Variants in GALNTL6 observed in about 807,000 individuals in gnomAD.
The protein encoded by GALNTL6 is polypeptide N-acetylgalactosaminyltransferase-like 6.
Under a neutral mutation model 73.7 loss-of-function variants are expected in GALNTL6, and 46 were observed. The ratio of observed to expected loss-of-function variants is 0.62; its 90% CI spans 0.49 to 0.80. The LOEUF (loss-of-function observed/expected upper bound fraction) is 0.80. GALNTL6 is among the 30% of genes least tolerant of loss of function. The pLI, the probability that GALNTL6 is intolerant of heterozygous loss-of-function variation, is 0.00. For missense variants in GALNTL6, 604 were observed against 755.0 expected, an observed-to-expected ratio of 0.80 and a Z score of 2.34; for synonymous variants, 259 against 263.7, an observed-to-expected ratio of 0.98 and a Z score of 0.17.
At chr4:173,012,261 C>T (rs1384012692) in intron 11 of GALNTL6, among the ~76,000 whole-genome samples, 1 of 152,154 alleles carries the variant, frequency 6.6e-6, no homozygotes, top group Admixed American at 6.5e-5. Flanking sequence ...GTACATTAAA[C>T]TAGAAAAGGT....
At chr4:172,287,513 A>G (rs1739305600) in intron 3 of GALNTL6, among the ~76,000 whole-genome samples, 1 of 152,246 alleles carries the variant, frequency 6.6e-6, no homozygotes, top group African/African-American at 2.4e-5. Context: ...ACAACAAATT[A>G]TGTCATTTCT....
intron 5 of GALNTL6, among the ~76,000 whole-genome samples, chr4:172,564,375 T>A (rs2110933278): frequency 6.6e-6 from 1 of 152,364 alleles, no homozygotes; most frequent in Admixed American, 6.5e-5. Flanking sequence ...GGGAAAAAGA[T>A]TCCTTATGTG....
intron 3 of GALNTL6, among the ~76,000 whole-genome samples, chr4:172,238,607 A>G (rs1256907324): frequency 6.6e-6 from 1 of 150,748 alleles, no homozygotes; most frequent in Non-Finnish European, 1.5e-5. Flanking sequence ...CTCTTGCCCA[A>G]TTGCTCTGAC....
At chr4:172,615,953 G>C (rs1244522439) in intron 5 of GALNTL6, among the ~76,000 whole-genome samples, 1 of 152,064 alleles carries the variant, frequency 6.6e-6, no homozygotes, top group Admixed American at 6.6e-5. Flanking sequence ...TTTTCTTTAA[G>C]TAAATGAAGT....
At chr4:172,959,404 T>C (rs1054955894) in intron 10 of GALNTL6, among the ~76,000 whole-genome samples, 3 of 152,100 alleles carry the variant, frequency 2.0e-5, no homozygotes, top group African/African-American at 7.2e-5. Context: ...ATTGTCTAAG[T>C]TGGCACCAGA....
chr4:172,290,771 A>G (rs1739442442), intron 3 of GALNTL6, among the ~76,000 whole-genome samples: 1 of 151,828 alleles, frequency 6.6e-6, no homozygotes, highest in Non-Finnish European at 1.5e-5. Flanking sequence ...TTATATATGT[A>G]TTCACTAATT....
chr4:172,997,625 T>G (rs1344521131), intron 10 of GALNTL6, among the ~76,000 whole-genome samples: 1 of 152,090 alleles, frequency 6.6e-6, no homozygotes, highest in Non-Finnish European at 1.5e-5. Context: ...TTTGTGATAA[T>G]AGACTGGGAA....
chr4:172,373,891 T>G (rs1742923038), intron 5 of GALNTL6, among the ~76,000 whole-genome samples: 1 of 152,132 alleles, frequency 6.6e-6, no homozygotes, highest in Admixed American at 6.5e-5. Flanking sequence ...AGATTAACAC[T>G]GAGAAGGCCG....
intron 2 of GALNTL6, among the ~76,000 whole-genome samples, chr4:172,221,198 A>G (rs966426678): frequency 1.3e-5 from 2 of 151,724 alleles, no homozygotes; most frequent in East Asian, 1.9e-4. Context: ...CCTAATCCCC[A>G]TTTCATCTTT....
At chr4:172,350,396 G>A (rs973163827) in intron 5 of GALNTL6, among the ~76,000 whole-genome samples, 6 of 152,072 alleles carry the variant, frequency 3.9e-5, no homozygotes, top group African/African-American at 7.2e-5. Flanking sequence ...CCAAATCACT[G>A]TCACCTTTGG....
intron 8 of GALNTL6, among the ~76,000 whole-genome samples, chr4:172,921,260 T>C (rs1471092297): frequency 6.6e-6 from 1 of 152,202 alleles, no homozygotes; most frequent in Non-Finnish European, 1.5e-5. Flanking sequence ...AATTATTATT[T>C]CCATAAAGTG....
At chr4:172,210,236 C>T (rs1331785230) in intron 2 of GALNTL6, among the ~76,000 whole-genome samples, 1 of 151,992 alleles carries the variant, frequency 6.6e-6, no homozygotes, top group African/African-American at 2.4e-5. Context: ...CCCAGCATTT[C>T]CTATTATTAA....
intron 3 of GALNTL6, among the ~76,000 whole-genome samples, chr4:172,246,370 A>T (rs1348261080): frequency 6.6e-6 from 1 of 152,184 alleles, no homozygotes; most frequent in Non-Finnish European, 1.5e-5. Flanking sequence ...AGTAGGATCC[A>T]TTTATGCATA....
rs79756469 is a variant in GALNTL6 at position 172,006,100 on chromosome 4, A to G, written c.138+191382A>G. On this transcript the variant is annotated intron_variant, in intron 2 of 12. Coordinates refer to ENST00000506823, the MANE Select transcript of GALNTL6 (RefSeq NM_001034845.3). Reference sequence around the variant, plus strand: ...TCTGCAACACCTTGAATTTAACAACAGCATGTCTACGAGTCATGCTATTAT... The same window carrying G: ...TCTGCAACACCTTGAATTTAACAACGGCATGTCTACGAGTCATGCTATTAT... 7.6e-3 allele frequency among the ~76,000 whole-genome samples: 1,151 copies of G among 152,316 alleles called. 5 individuals are homozygous for G. The highest frequency in any genetic ancestry group is 0.031 in the Middle Eastern group (9 of 294).
intron 5 of GALNTL6, among the ~76,000 whole-genome samples, chr4:172,609,665 G>GTGTC (rs369523517): frequency 9.3e-5 from 14 of 150,480 alleles, no homozygotes; most frequent in Non-Finnish European, 1.8e-4. Flanking sequence ...GTGTGTGTGT[G>GTGTC]TCTGCCAGGT....
At chr4:172,420,716 G>A (rs1388324451) in intron 5 of GALNTL6, among the ~76,000 whole-genome samples, 2 of 151,944 alleles carry the variant, frequency 1.3e-5, no homozygotes, top group African/African-American at 2.4e-5. Flanking sequence ...AGGCAATGTT[G>A]TAACATATTG....
At chr4:172,075,288 T>G (rs958351486) in intron 2 of GALNTL6, among the ~76,000 whole-genome samples, 2 of 152,220 alleles carry the variant, frequency 1.3e-5, no homozygotes, top group African/African-American at 2.4e-5. Flanking sequence ...TCTTGCTTTC[T>G]TTTTTCTTAC....
At chr4:172,892,087 T>C (rs1250062510) in intron 8 of GALNTL6, among the ~76,000 whole-genome samples, 1 of 152,198 alleles carries the variant, frequency 6.6e-6, no homozygotes, top group Non-Finnish European at 1.5e-5. Flanking sequence ...CCATCCAAAT[T>C]CTGGATTTTA....
At chr4:172,516,859 AG>A (rs1168534368) in intron 5 of GALNTL6, among the ~76,000 whole-genome samples, 1 of 152,204 alleles carries the variant, frequency 6.6e-6, no homozygotes, top group Non-Finnish European at 1.5e-5. Context: ...CTTAAAAGGA[AG>A]GAAATTCTGT....
Sources: gnomAD v4.1 joint callset for allele counts (sites outside exome capture counted in the v4.1 genomes callset) on GRCh38, gnomAD v4.1.1 for gene constraint, MANE v1.5 for transcripts, NCBI Gene and HGNC (gene_info 2026-07-23, HGNC 2026-07-21) for gene names.